EGFR: variants seen among roughly 807,000 people sequenced by gnomAD.
EGFR encodes the protein epidermal growth factor receptor, also known as avian erythroblastic leukemia viral (v-erb-b) oncogene homolog.
In EGFR, 58 loss-of-function variants were observed where a neutral mutation model predicts 143.0. The observed-to-expected ratio is 0.41, with a 90% confidence interval of 0.33 to 0.50. The LOEUF is 0.50. Among genes scored for constraint, EGFR ranks in the 20% least tolerant of loss-of-function variants. The pLI is 0.39. For missense variants in EGFR, 1,307 were observed against 1,579.0 expected (o/e 0.83, Z 2.92); for synonymous variants, 613 against 594.4 (o/e 1.03, Z -0.45).
At chr7:55,191,680 G>A (rs781207361) in intron 20 of EGFR, 39 bp from the exon 21 acceptor site, 64 of 1,612,382 alleles carry the variant, frequency 4.0e-5, no homozygotes, top group Non-Finnish European at 5.2e-5. Context: ...TTCTTCCCAT[G>A]ATGATCTGTC....
At position 55,202,213 on chromosome 7, in the gene EGFR, G is replaced by A. The variant is rs17337500; in HGVS notation, c.3163-304G>A. On this transcript the variant is annotated intron_variant, in intron 26 of 27. Transcript: ENST00000275493. ...AAAATGAAATAAAATATAAAATTCA[G>A]TTTCTCACACATGTGAAGTGTCCAG... 4.5e-3 allele frequency among the ~76,000 whole-genome samples: 678 copies of A among 152,318 alleles called. 6 individuals are homozygous for A. The highest frequency in any genetic ancestry group is 0.016 in the African/African-American group (652 of 41,570).
intron 4 of EGFR, among the ~76,000 whole-genome samples, chr7:55,149,186 T>C (rs1794908516): frequency 6.6e-6 from 1 of 152,176 alleles, no homozygotes; most frequent in Non-Finnish European, 1.5e-5. Context: ...TAAAATATGT[T>C]AATGGCTACC....
At chr7:55,022,730 G>A (rs1196262796) in intron 1 of EGFR, among the ~76,000 whole-genome samples, 2 of 152,240 alleles carry the variant, frequency 1.3e-5, no homozygotes, top group Admixed American at 6.5e-5. Context: ...GAAACTGGCT[G>A]AGAGCTCCAA....
At chr7:55,084,540 C>T (rs1191211328) in intron 1 of EGFR, among the ~76,000 whole-genome samples, 1 of 152,168 alleles carries the variant, frequency 6.6e-6, no homozygotes, top group East Asian at 1.9e-4. Flanking sequence ...AACCATGGGA[C>T]TGATATTTAT....
chr7:55,045,164 A>T (rs183148791), intron 1 of EGFR, among the ~76,000 whole-genome samples: 31 of 152,338 alleles, frequency 2.0e-4, no homozygotes, highest in Non-Finnish European at 3.8e-4. Context: ...CCCCAGCTTA[A>T]CTACTAGTTT....
Position 55,078,168 on chromosome 7 carries a change from C to A in EGFR, c.88+58803C>A, listed in dbSNP as rs145969506. On this transcript the variant is annotated intron_variant, in intron 1 of 27. Transcript: ENST00000275493. Reference sequence around the variant, plus strand: ...TGTCCTGGGGTATTTGGGTGTGTGGCGTGTGGGGAGGGGAGAAGGAGCAAG... The same window carrying A: ...TGTCCTGGGGTATTTGGGTGTGTGGAGTGTGGGGAGGGGAGAAGGAGCAAG... Among the ~76,000 whole-genome samples, 284 of 152,116 alleles carry A rather than the reference C, an allele frequency of 1.9e-3. 7 individuals carry two copies. The East Asian group carries it at 0.043, about 23-fold the overall frequency.
At chr7:55,142,759 C>T (rs895138104) in intron 2 of EGFR, among the ~76,000 whole-genome samples, 2 of 152,182 alleles carry the variant, frequency 1.3e-5, no homozygotes, top group Non-Finnish European at 2.9e-5. Context: ...CTGCTTTGCA[C>T]CATTTGCCTA....
chr7:55,140,520 C>T (rs1348244695), intron 1 of EGFR, among the ~76,000 whole-genome samples: 3 of 152,178 alleles, frequency 2.0e-5, no homozygotes, highest in African/African-American at 7.2e-5. Context: ...AACCTGGTAC[C>T]TACATCAGTG....
At chr7:55,197,894 G>A (rs755571199) in intron 22 of EGFR, among the ~76,000 whole-genome samples, 7 of 152,282 alleles carry the variant, frequency 4.6e-5, no homozygotes, top group East Asian at 3.9e-4. Flanking sequence ...TGCTGGATTC[G>A]ATTTGCCAGT....
At chr7:55,057,405 C>T (rs558587162) in intron 1 of EGFR, among the ~76,000 whole-genome samples, 83 of 152,278 alleles carry the variant, frequency 5.5e-4, no homozygotes, top group Non-Finnish European at 1.1e-3. Context: ...AAACCCAGCC[C>T]TTCAAAGAAG....
At chr7:55,070,026 G>A (rs1308227779) in intron 1 of EGFR, among the ~76,000 whole-genome samples, 1 of 152,114 alleles carries the variant, frequency 6.6e-6, no homozygotes, top group Non-Finnish European at 1.5e-5. Context: ...TTAGTAAAAA[G>A]TTGCATTGTT....
At chr7:55,184,446 A>C (rs899473688) in intron 20 of EGFR, among the ~76,000 whole-genome samples, 5 of 152,144 alleles carry the variant, frequency 3.3e-5, no homozygotes, top group Admixed American at 3.3e-4. Context: ...GGCCTGACCT[A>C]GATAAGTGGA....
chr7:55,171,353 A>G, intron 16 of EGFR, 140 bp downstream of exon 16: 2 of 1,254,782 alleles, frequency 1.6e-6, no homozygotes, highest in Non-Finnish European at 2.3e-6. Flanking sequence ...ACCCTCAGCC[A>G]GGGTTTCTGC....
At chr7:55,055,354 G>C (rs745922556) in intron 1 of EGFR, among the ~76,000 whole-genome samples, 3 of 152,132 alleles carry the variant, frequency 2.0e-5, no homozygotes, top group Non-Finnish European at 4.4e-5. Context: ...TCTCCAGTTG[G>C]TAATGCATAG....
At chr7:55,112,050 G>C (rs1362034281) in intron 1 of EGFR, among the ~76,000 whole-genome samples, 1 of 152,048 alleles carries the variant, frequency 6.6e-6, no homozygotes, top group African/African-American at 2.4e-5. Flanking sequence ...GCAGACACCT[G>C]GGCTACCCAG....
At chr7:55,192,566 A>G (rs1787445928) in intron 21 of EGFR, among the ~76,000 whole-genome samples, 200 bp from the exon 22 acceptor site, 1 of 152,182 alleles carries the variant, frequency 6.6e-6, no homozygotes, top group African/African-American at 2.4e-5. Context: ...GGGTGCTCAG[A>G]AACCTACCAG....
chr7:55,117,696 A>T (rs1389375056), intron 1 of EGFR, among the ~76,000 whole-genome samples: 1 of 152,220 alleles, frequency 6.6e-6, no homozygotes, highest in African/African-American at 2.4e-5. Context: ...CCCTGTGCAG[A>T]GTGCCCTCAA....
chr7:55,039,500 G>A (rs901727155), intron 1 of EGFR, among the ~76,000 whole-genome samples: 1 of 152,132 alleles, frequency 6.6e-6, no homozygotes, highest in African/African-American at 2.4e-5. Flanking sequence ...ATGAGAAAAG[G>A]TGGTGAAAGG....
intron 1 of EGFR, among the ~76,000 whole-genome samples, chr7:55,134,264 G>C (rs532436836): frequency 4.0e-5 from 6 of 148,732 alleles, no homozygotes; most frequent in Admixed American, 1.3e-4. Context: ...GCCACATCCA[G>C]GTCCAGTTCC....
Sources: allele counts gnomAD v4.1 joint callset (sites outside exome capture counted in the v4.1 genomes callset), GRCh38; gene constraint gnomAD v4.1.1; transcripts MANE v1.5; gene names NCBI Gene and HGNC (gene_info 2026-07-23, HGNC 2026-07-21).